Variants in CNTNAP3 observed in about 807,000 individuals in gnomAD.
CNTNAP3 encodes the protein contactin-associated protein-like 3.
A neutral mutation model predicts 92.1 loss-of-function variants in CNTNAP3; 36 were observed. The ratio of observed to expected loss-of-function variants is 0.39; its 90% CI spans 0.30 to 0.52. The LOEUF is 0.52. CNTNAP3 is among the 20% of genes least tolerant of loss of function. The pLI is 0.76. For missense variants in CNTNAP3, 534 were observed against 1,069.6 expected (o/e 0.50, Z 6.98); for synonymous variants, 232 against 422.3 (o/e 0.55, Z 5.53).
chr9:39,151,322 A>AGGCG (rs1821838048), intron 9 of CNTNAP3, among the ~76,000 whole-genome samples: 1 of 147,330 alleles, frequency 6.8e-6, no homozygotes, highest in Non-Finnish European at 1.5e-5. Context: ...TGGGAGGCCA[A>AGGCG]GGCGGGCGGA....
At chr9:39,110,622 A>C (rs2117916380) in intron 14 of CNTNAP3, among the ~76,000 whole-genome samples, 1 of 152,248 alleles carries the variant, frequency 6.6e-6, no homozygotes, top group Non-Finnish European at 1.5e-5. Flanking sequence ...CCCTAGGGGA[A>C]CCTGGGGTCC....
chr9:39,150,341 AAAAT>A (rs1398842238), intron 9 of CNTNAP3, among the ~76,000 whole-genome samples: 10 of 130,904 alleles, frequency 7.6e-5, no homozygotes, highest in African/African-American at 3.0e-4. Context: ...AGGTTAAATT[AAAAT>A]AAATGAAATC....
chr9:39,100,214 A>C (rs2118474127), intron 17 of CNTNAP3, 64 bp from the exon 18 acceptor site: 1 of 1,344,758 alleles, frequency 7.4e-7, no homozygotes, highest in Admixed American at 2.5e-5. Flanking sequence ...TTTTATGTCC[A>C]TGTCAAACTC....
chr9:39,122,842 T>C (rs1453973158), intron 13 of CNTNAP3, among the ~76,000 whole-genome samples: 3 of 152,104 alleles, frequency 2.0e-5, no homozygotes, highest in Non-Finnish European at 4.4e-5. Context: ...GTTGAAAAAG[T>C]GGGCAACATG....
Position 39,084,188 on chromosome 9 carries a change from C to G in CNTNAP3, c.3442+1548G>C, listed in dbSNP as rs1826012510. 2.7e-5 allele frequency among the ~76,000 whole-genome samples: 4 copies of G among 147,666 alleles called. No homozygotes were observed. The South Asian group carries it at 8.6e-4, about 32-fold the overall frequency. The stretch of plus-strand genomic sequence containing the variant: ...TAATAAACTGTTCATAGCAGATGCT[C>G]ACCAAGTTTTTTTTTTTTTTTTTTT... On this transcript the variant is annotated intron_variant, in intron 21 of 23. Transcript: ENST00000297668.
intron 13 of CNTNAP3, among the ~76,000 whole-genome samples, chr9:39,122,982 C>G (rs1167914482): frequency 6.6e-6 from 1 of 151,606 alleles, no homozygotes; most frequent in Non-Finnish European, 1.5e-5. Flanking sequence ...CTGGGAAGTG[C>G]TGAGGAAAGA....
chr9:39,285,755 C>A lies in CNTNAP3; in HGVS notation c.85+2225G>T, dbSNP rs1489073460. Among the ~76,000 whole-genome samples the A allele has an allele frequency of 3.5e-5, 2 of 57,562 alleles. 1 individual carries two copies. The highest frequency in any genetic ancestry group is 7.8e-5 in the African/African-American group (2 of 25,696). 37.8% of individuals were successfully genotyped at this position (57,562 alleles called of 152,430 possible). A position where few individuals can be genotyped will look rare whatever the true frequency, so the allele number is the denominator to read the frequency against. ...CAAGCTGGTCTCCAACTCCTGACCT[C>A]AGGTGATCCACCCACCTCGGCCTCC... On this transcript the variant is annotated intron_variant, in intron 1 of 23. Transcript: ENST00000297668.
chr9:39,069,189 C>T lies in CNTNAP3; in HGVS notation c.*4701G>A, dbSNP rs1825582467. ...CCTGTAGAATTGGTCAGGAACTAGA[C>T]ATCTCAGGACCTGCATTCTAACCCA... is the stretch of plus-strand genomic sequence containing the variant. On this transcript the variant is annotated 3_prime_UTR_variant, in exon 24 of 24. Coordinates refer to ENST00000297668, the MANE Select transcript of CNTNAP3 (RefSeq NM_033655.5). Among the ~76,000 whole-genome samples the T allele has an allele frequency of 6.6e-6, 1 of 152,224 alleles. No individual in the cohort carries two copies. The highest frequency in any genetic ancestry group is 6.5e-5 in the Admixed American group (1 of 15,280).
At chr9:39,150,950 AGT>A (rs1821829158) in intron 9 of CNTNAP3, among the ~76,000 whole-genome samples, 1 of 146,710 alleles carries the variant, frequency 6.8e-6, no homozygotes, top group South Asian at 2.2e-4. Context: ...ATAGGAAAGT[AGT>A]GTCTTGAACT....
At chr9:39,101,012 C>T (rs902702893) in intron 17 of CNTNAP3, among the ~76,000 whole-genome samples, 21 of 150,618 alleles carry the variant, frequency 1.4e-4, no homozygotes, top group African/African-American at 2.9e-4. Flanking sequence ...ATTCATCCAC[C>T]GCAATGAATG....
chr9:39,119,123 C>T lies in CNTNAP3; in HGVS notation c.2081-864G>A, dbSNP rs12348009. Among the ~76,000 whole-genome samples the T allele has an allele frequency of 1.9e-3, 285 of 152,202 alleles. 2 individuals carry two copies. Among genetic ancestry groups the T allele is most frequent in the African/African-American group, 6.6e-3 (274 of 41,522 alleles). ...CAGGGGCCACAAGTTGCAGTCATCA[C>T]AGATGAGGCCATGAGGAAAATGAAA... is the stretch of plus-strand genomic sequence containing the variant. On this transcript the variant is annotated intron_variant, in intron 13 of 23. Coordinates refer to ENST00000297668, the MANE Select transcript of CNTNAP3 (RefSeq NM_033655.5).
At position 39,070,998 on chromosome 9, in the gene CNTNAP3, A is replaced by C. The variant is rs893669513; in HGVS notation, c.*2892T>G. Among the ~76,000 whole-genome samples the C allele has an allele frequency of 3.3e-5, 5 of 152,244 alleles. No individual in the cohort carries two copies. The highest frequency in any genetic ancestry group is 1.5e-5 in the Non-Finnish European group (1 of 68,020). ...TCTATGGATTGAAGTTAAGAGAGAG[A>C]AGTGCCAGGAGTTCAGTCCACGCAT... On this transcript the variant is annotated 3_prime_UTR_variant, in exon 24 of 24. Transcript: ENST00000297668.
intron 13 of CNTNAP3, among the ~76,000 whole-genome samples, chr9:39,121,370 C>A (rs970544637): frequency 1.3e-5 from 2 of 151,818 alleles, no homozygotes; most frequent in African/African-American, 2.4e-5. Flanking sequence ...AACAATACAC[C>A]CTTAAAAAAA....
rs573241208 is a variant in CNTNAP3 at position 39,129,259 on chromosome 9, AG to A, written c.2080+3672del. On this transcript the variant is annotated intron_variant, in intron 13 of 23. Coordinates refer to ENST00000297668, the MANE Select transcript of CNTNAP3 (RefSeq NM_033655.5). ...GCTATACAGCTACCATGTTCAAGAC[AG>A]TGTGATATTGGTGGAGGCATATAAA... 4.5e-3 allele frequency among the ~76,000 whole-genome samples: 693 copies of A among 152,356 alleles called. 1 individual carries two copies. The highest frequency in any genetic ancestry group is 0.016 in the African/African-American group (667 of 41,566).
rs1266700322 is a variant in CNTNAP3, at chr9:39,088,540, C to G, written c.3103G>C (p.Val1035Leu). 6.3e-7 allele frequency: 1 copy of G among 1,597,490 alleles called. No homozygotes were observed. The highest frequency in any genetic ancestry group is 1.3e-5 in the African/African-American group (1 of 74,886). ...SSLVSSLHRD[V>L]TLTREMITLS... ...GTGATCATTTCTCTGGTCAATGTTA[C>G]ATCTCTGTGTAATGAAGAAACGAGA... Residue 1035 changes from valine to leucine, a missense_variant, in exon 19 of 24, where the codon GTA becomes CTA. Transcript: ENST00000297668.
chr9:39,126,725 A>C (rs1821160826), intron 13 of CNTNAP3, among the ~76,000 whole-genome samples: 1 of 151,844 alleles, frequency 6.6e-6, no homozygotes, highest in East Asian at 1.9e-4. Flanking sequence ...TGTAAACTTA[A>C]AATTGCTAAA....
At chr9:39,134,539 C>T (rs1821382246) in intron 12 of CNTNAP3, among the ~76,000 whole-genome samples, 1 of 152,098 alleles carries the variant, frequency 6.6e-6, no homozygotes, top group African/African-American at 2.4e-5. Context: ...GTTCTCCTGT[C>T]TCAGCCTCCC....
At chr9:39,120,009 GAAGA>G (rs1029571816) in intron 13 of CNTNAP3, among the ~76,000 whole-genome samples, 7 of 152,144 alleles carry the variant, frequency 4.6e-5, no homozygotes, top group African/African-American at 1.2e-4. Flanking sequence ...CAAAAAGAGA[GAAGA>G]AAGTGTGCTG....
intron 17 of CNTNAP3, among the ~76,000 whole-genome samples, chr9:39,102,033 A>T (rs1826470435): frequency 6.6e-6 from 1 of 152,226 alleles, no homozygotes; most frequent in Non-Finnish European, 1.5e-5. Context: ...TAATCCCAGC[A>T]CTTTGAGAGG....
Sources: allele counts gnomAD v4.1 joint callset (sites outside exome capture counted in the v4.1 genomes callset), GRCh38; gene constraint gnomAD v4.1.1; transcripts MANE v1.5; gene names NCBI Gene and HGNC (gene_info 2026-07-23, HGNC 2026-07-21).